Variants in DNAH11 observed in about 807,000 individuals in gnomAD.
The protein encoded by DNAH11 is dynein axonemal heavy chain 11, also known as axonemal beta dynein heavy chain 11.
In DNAH11, 442 loss-of-function variants were observed where a neutral mutation model predicts 526.0. The ratio of observed to expected loss-of-function variants is 0.84; its 90% CI spans 0.78 to 0.91. The LOEUF (loss-of-function observed/expected upper bound fraction) is 0.91. DNAH11 is among the 40% of genes least tolerant of loss of function. The pLI is 0.00. For missense variants in DNAH11, 6,989 were observed against 5,448.7 expected (o/e 1.28, Z -8.90); for synonymous variants, 2,461 against 1,935.9 (o/e 1.27, Z -7.12).
intron 35 of DNAH11, among the ~76,000 whole-genome samples, chr7:21,691,782 C>T (rs1279533697): frequency 6.6e-6 from 1 of 152,102 alleles, no homozygotes; most frequent in East Asian, 1.9e-4. Context: ...CCTCTCATGC[C>T]TTGTTCATAA....
intron 47 of DNAH11, 71 bp downstream of exon 47, chr7:21,738,937 G>T: frequency 8.0e-7 from 1 of 1,245,036 alleles, no homozygotes; most frequent in East Asian, 2.7e-5. Flanking sequence ...TACTATGGAT[G>T]AATAATTATT....
intron 25 of DNAH11, among the ~76,000 whole-genome samples, chr7:21,622,970 G>T (rs1346033004): frequency 6.6e-6 from 1 of 152,026 alleles, no homozygotes; most frequent in Non-Finnish European, 1.5e-5. Context: ...TGACAAATGG[G>T]ATCTAATTAA....
chr7:21,600,242 T>G, intron 15 of DNAH11, 123 bp downstream of exon 15: 1 of 872,000 alleles, frequency 1.1e-6, no homozygotes, highest in Non-Finnish European at 1.7e-6. Context: ...AGAGGATTGC[T>G]TGGGCCCAAG....
chr7:21,720,694 T>G (rs1003621194), intron 43 of DNAH11, 31 bp from the exon 44 acceptor site: 1 of 1,528,472 alleles, frequency 6.5e-7, no homozygotes, highest in African/African-American at 1.4e-5. Context: ...TAAAAAAATG[T>G]TGCCTTATTT....
chr7:21,588,394 A>C, intron 10 of DNAH11, 118 bp from the exon 11 acceptor site: 1 of 1,382,510 alleles, frequency 7.2e-7, no homozygotes, highest in Non-Finnish European at 9.9e-7. Context: ...TCAAGTGATT[A>C]AACACATATG....
At position 21,619,196 on chromosome 7, in the gene DNAH11, G is replaced by A. The variant is rs369204897; in HGVS notation, c.4351G>A (p.Ala1451Thr). The change falls in exon 24 of 82, where the codon GCG becomes ACG. Residue 1451 changes from alanine to threonine, a missense_variant. By Grantham distance (58) the Ala-to-Thr change is moderately conservative. Coordinates refer to ENST00000409508, the MANE Select transcript of DNAH11 (RefSeq NM_001277115.2). ...TGATGTCCGAAGGATTGTGGACAAG[G>A]CGGTGAAAGAGCTGGGGACTGAGAA... ...EDDVRRIVDKAVKELGTEKVI... is the reference protein window; with the variant it reads ...EDDVRRIVDKTVKELGTEKVI... 7 of 1,613,304 alleles carry A rather than the reference G, an allele frequency of 4.3e-6. No homozygotes were observed. Among genetic ancestry groups the A allele is most frequent in the Non-Finnish European group, 5.9e-6 (7 of 1,179,580 alleles).
intron 2 of DNAH11, among the ~76,000 whole-genome samples, chr7:21,552,355 T>C (rs1407951902): frequency 2.0e-5 from 3 of 152,222 alleles, no homozygotes; most frequent in Non-Finnish European, 4.4e-5. Context: ...CAGTTAAACC[T>C]AAAAATTTTT....
In DNAH11 at chr7:21,901,188, GCTGAAGA is replaced by G; in HGVS notation, c.13486_13492del (p.Leu4496AlafsTer17). 6.2e-7 allele frequency: 1 copy of G among 1,613,420 alleles called. No individual in the cohort carries two copies. Among genetic ancestry groups the G allele is most frequent in the Non-Finnish European group, 8.5e-7 (1 of 1,179,652 alleles). ...GCCCCAGCTACATCTGGACCTTCAGGCTGAAGAGCGAAGAGAAGACTGCAAAATGGGT... is the reference window on the plus strand; with the variant it reads ...GCCCCAGCTACATCTGGACCTTCAGGGCGAAGAGAAGACTGCAAAATGGGT... On this transcript the variant is annotated frameshift_variant, in exon 82 of 82. Transcript: ENST00000409508. LOFTEE classifies it high-confidence loss of function.
At chr7:21,793,911 G>A (rs1476397757) in intron 61 of DNAH11, among the ~76,000 whole-genome samples, 1 of 152,114 alleles carries the variant, frequency 6.6e-6, no homozygotes, top group Non-Finnish European at 1.5e-5. Context: ...ACTGTTAGAT[G>A]TGCTCTTTTG....
At chr7:21,667,749 T>C (rs945100560) in intron 30 of DNAH11, among the ~76,000 whole-genome samples, 3 of 152,168 alleles carry the variant, frequency 2.0e-5, no homozygotes, top group African/African-American at 7.2e-5. Context: ...ATAATCCCTG[T>C]AAGAGATTTT....
intron 28 of DNAH11, among the ~76,000 whole-genome samples, chr7:21,651,238 C>G (rs550160295): frequency 3.3e-5 from 5 of 152,134 alleles, no homozygotes; most frequent in Non-Finnish European, 5.9e-5. Flanking sequence ...CATTAATAAG[C>G]GGCAGCAGCA....
intron 61 of DNAH11, among the ~76,000 whole-genome samples, chr7:21,789,777 C>G (rs1788359394): frequency 1.3e-5 from 1 of 78,924 alleles, no homozygotes; most frequent in Non-Finnish European, 2.7e-5. Context: ...TTCTTTCTTT[C>G]TTTCTTTCTT....
In DNAH11 at chr7:21,682,483, G is replaced by A. The variant is rs182170414; in HGVS notation, c.5460+806G>A. 1.5e-3 allele frequency among the ~76,000 whole-genome samples: 214 copies of A among 139,208 alleles called. 1 individual carries two copies. The highest frequency in any genetic ancestry group is 4.8e-3 in the African/African-American group (175 of 36,794). 91.3% of individuals were successfully genotyped at this position (139,208 alleles called of 152,430 possible). Reference sequence around the variant, plus strand: ...AGAGGTTGCAGTGAGCCGAGATGGCGCCACTGCACTCCAGCCTGGGTGACA... The same window carrying A: ...AGAGGTTGCAGTGAGCCGAGATGGCACCACTGCACTCCAGCCTGGGTGACA... On this transcript the variant is annotated intron_variant, in intron 31 of 81. Coordinates refer to ENST00000409508, the MANE Select transcript of DNAH11 (RefSeq NM_001277115.2).
At chr7:21,769,818 T>A (rs1329751278) in intron 55 of DNAH11, among the ~76,000 whole-genome samples, 1 of 152,134 alleles carries the variant, frequency 6.6e-6, no homozygotes, top group Non-Finnish European at 1.5e-5. Context: ...TCCTGAGTCT[T>A]CAGTTGCTTC....
chr7:21,764,141 C>A, intron 54 of DNAH11, among the ~76,000 whole-genome samples: 1 of 152,076 alleles, frequency 6.6e-6, no homozygotes, highest in Non-Finnish European at 1.5e-5. Context: ...AGTTAACAAT[C>A]CTGTATCGTA....
In DNAH11 at chr7:21,708,464, C is replaced by A. The variant is rs77530068; in HGVS notation, c.6683+629C>A. Among the ~76,000 whole-genome samples, 1,317 of 152,308 alleles carry A rather than the reference C, an allele frequency of 8.6e-3. 117 individuals carry two copies. In the East Asian group the frequency reaches 0.2, roughly 24 times the overall value. ...TCATGTCTCGCCTGTACTACAGCAGCGTGTAATCTCCTCCTGCTGGTTTCC... is the reference window on the plus strand; with the variant it reads ...TCATGTCTCGCCTGTACTACAGCAGAGTGTAATCTCCTCCTGCTGGTTTCC... On this transcript the variant is annotated intron_variant, in intron 40 of 81. Coordinates refer to ENST00000409508, the MANE Select transcript of DNAH11 (RefSeq NM_001277115.2).
rs1006517275 is a variant in DNAH11, at chr7:21,652,066, A to G, written c.4945-3766A>G. Reference sequence around the variant, plus strand: ...CAAAGAAATGAAAATTGATAATGCTAGAAGCAAAAATGGAATCAAACATAG... The same window carrying G: ...CAAAGAAATGAAAATTGATAATGCTGGAAGCAAAAATGGAATCAAACATAG... On this transcript the variant is annotated intron_variant, in intron 28 of 81. Coordinates refer to ENST00000409508, the MANE Select transcript of DNAH11 (RefSeq NM_001277115.2). Among the ~76,000 whole-genome samples the G allele has an allele frequency of 3.9e-5, 6 of 152,378 alleles. No individual in the cohort carries two copies. In the East Asian group the frequency reaches 7.7e-4, roughly 20 times the overall value.
intron 67 of DNAH11, among the ~76,000 whole-genome samples, chr7:21,853,441 G>A (rs1782717331): frequency 6.6e-6 from 1 of 152,060 alleles, no homozygotes; most frequent in African/African-American, 2.4e-5. Flanking sequence ...CTCCTAAGAT[G>A]GTAAAGTTAG....
intron 26 of DNAH11, 92 bp from the exon 27 acceptor site, chr7:21,637,519 C>A: frequency 1.1e-6 from 1 of 914,134 alleles, no homozygotes; most frequent in Non-Finnish European, 1.7e-6. Flanking sequence ...CCTCTTCATT[C>A]TTTGTTCTTC....
Sources: gnomAD v4.1 joint callset for allele counts (sites outside exome capture counted in the v4.1 genomes callset) on GRCh38, gnomAD v4.1.1 for gene constraint, MANE v1.5 for transcripts, NCBI Gene and HGNC (gene_info 2026-07-23, HGNC 2026-07-21) for gene names.